PRIM2: variants seen among roughly 807,000 people sequenced by gnomAD.
PRIM2 encodes the protein DNA primase subunit 2.
In PRIM2, 39 loss-of-function variants were observed where a neutral mutation model predicts 67.3. The ratio of observed to expected loss-of-function variants is 0.58; its 90% CI spans 0.45 to 0.76. The LOEUF (loss-of-function observed/expected upper bound fraction) is 0.76. Among genes scored for constraint, PRIM2 ranks in the 30% least tolerant of loss-of-function variants. The pLI, the probability that PRIM2 is intolerant of heterozygous loss-of-function variation, is 0.00. For synonymous variants in PRIM2, 143 were observed against 198.7 expected (o/e 0.72, Z 2.36); for missense variants, 398 against 598.7 (o/e 0.66, Z 3.50).
At chr6:57,459,649 T>C (rs1057371755) in intron 7 of PRIM2, among the ~76,000 whole-genome samples, 4 of 152,210 alleles carry the variant, frequency 2.6e-5, no homozygotes, top group East Asian at 3.9e-4. Context: ...CTGAAATTCA[T>C]AGGGAAGGCC....
At chr6:57,262,131 T>C in the PRIM2 span, among the ~76,000 whole-genome samples, 1 of 152,180 alleles carries the variant, frequency 6.6e-6, no homozygotes, top group Non-Finnish European at 1.5e-5. Context: ...AATACTGGAC[T>C]TACTGGCAGA....
At chr6:57,618,959 G>T (rs2127496417) in intron 12 of PRIM2, among the ~76,000 whole-genome samples, 1 of 152,322 alleles carries the variant, frequency 6.6e-6, no homozygotes, top group African/African-American at 2.4e-5. Flanking sequence ...CTTGGCAGGA[G>T]GCCAACCAGC....
At chr6:57,302,336 T>A in the PRIM2 span, among the ~76,000 whole-genome samples, 1 of 152,194 alleles carries the variant, frequency 6.6e-6, no homozygotes, top group South Asian at 2.1e-4. Context: ...AAGTGCTGCA[T>A]TTAAGTACAT....
intron 5 of PRIM2, among the ~76,000 whole-genome samples, chr6:57,377,310 GTTC>G (rs1258337645): frequency 9.2e-5 from 14 of 152,054 alleles, no homozygotes; most frequent in African/African-American, 2.9e-4. Flanking sequence ...TAGAGTTTTA[GTTC>G]TTCTTTTTCA....
chr6:57,290,580 T>A, the PRIM2 span, among the ~76,000 whole-genome samples: 1 of 152,122 alleles, frequency 6.6e-6, no homozygotes, highest in Non-Finnish European at 1.5e-5. Flanking sequence ...TCGCACTTAT[T>A]CTAAAATTGA....
intron 10 of PRIM2, among the ~76,000 whole-genome samples, chr6:57,599,969 G>A (rs1429638686): frequency 1.3e-5 from 2 of 151,996 alleles, no homozygotes; most frequent in East Asian, 3.9e-4. Context: ...TAATTTTTTT[G>A]TAGAGATGGG....
At chr6:57,525,571 T>C (rs1481763940) in intron 8 of PRIM2, among the ~76,000 whole-genome samples, 1 of 152,180 alleles carries the variant, frequency 6.6e-6, no homozygotes, top group East Asian at 1.9e-4. Context: ...CTCAGCAGGC[T>C]TCTCTATTCA....
intron 11 of PRIM2, among the ~76,000 whole-genome samples, chr6:57,602,892 G>A (rs1776495262): frequency 6.6e-6 from 1 of 152,096 alleles, no homozygotes; most frequent in African/African-American, 2.4e-5. Context: ...AAAATCGTGT[G>A]GGAAGTTCAG....
chr6:57,564,263 A>G (rs1172459988), intron 10 of PRIM2, among the ~76,000 whole-genome samples: 52 of 152,344 alleles, frequency 3.4e-4, no homozygotes, highest in African/African-American at 1.1e-3. Context: ...TGTTTAAACT[A>G]TTAATCCAAA....
chr6:57,613,934 C>T (rs1168151568), intron 12 of PRIM2, among the ~76,000 whole-genome samples: 1 of 152,156 alleles, frequency 6.6e-6, no homozygotes, highest in East Asian at 1.9e-4. Flanking sequence ...TCACTGCAAC[C>T]TCTGCCTCCT....
At chr6:57,245,100 T>C in the PRIM2 span, among the ~76,000 whole-genome samples, 1 of 152,054 alleles carries the variant, frequency 6.6e-6, no homozygotes, top group African/African-American at 2.4e-5. Context: ...CTCCACTGTT[T>C]CTGCTGCTGC....
chr6:57,572,751 T>C (rs1183644929), intron 10 of PRIM2, among the ~76,000 whole-genome samples: 1 of 152,064 alleles, frequency 6.6e-6, no homozygotes, highest in South Asian at 2.1e-4. Context: ...AATCACGTGA[T>C]GGGGGGTACA....
At chr6:57,370,693 CTTTT>C (rs66953171) in intron 5 of PRIM2, among the ~76,000 whole-genome samples, 1 of 121,996 alleles carries the variant, frequency 8.2e-6, no homozygotes, top group Admixed American at 9.0e-5. Flanking sequence ...CTATCTATAG[CTTTT>C]TTTTTTTTTT....
chr6:57,620,373 A>C (rs1265079750), intron 12 of PRIM2, among the ~76,000 whole-genome samples: 12 of 152,224 alleles, frequency 7.9e-5, no homozygotes, highest in African/African-American at 2.9e-4. Flanking sequence ...TCTCAGCAGA[A>C]ACCCTATAAG....
intron 10 of PRIM2, among the ~76,000 whole-genome samples, chr6:57,546,799 G>C (rs1258646666): frequency 6.6e-6 from 1 of 152,102 alleles, no homozygotes; most frequent in Non-Finnish European, 1.5e-5. Context: ...ACATTCCATT[G>C]TTGTATGATC....
chr6:57,368,999 A>G (rs1769459169), intron 5 of PRIM2, among the ~76,000 whole-genome samples: 1 of 152,230 alleles, frequency 6.6e-6, no homozygotes, highest in Non-Finnish European at 1.5e-5. Flanking sequence ...GGTAAAATAC[A>G]TGCTCAGAAA....
chr6:57,599,426 G>A (rs1196082358), intron 10 of PRIM2, among the ~76,000 whole-genome samples: 4 of 151,492 alleles, frequency 2.6e-5, no homozygotes, highest in Admixed American at 2.0e-4. Flanking sequence ...TTCAGACTCC[G>A]TTTTAAATGA....
At chr6:57,563,162 C>A (rs1775671385) in intron 10 of PRIM2, among the ~76,000 whole-genome samples, 1 of 152,016 alleles carries the variant, frequency 6.6e-6, no homozygotes, top group Non-Finnish European at 1.5e-5. Context: ...CCAGTATAGC[C>A]TCTGTGAATA....
chr6:57,365,654 A>G (rs924962913), intron 5 of PRIM2, among the ~76,000 whole-genome samples: 11 of 152,134 alleles, frequency 7.2e-5, no homozygotes, highest in Non-Finnish European at 1.0e-4. Flanking sequence ...TTCATCAGGT[A>G]TTGTGGTAAG....
Sources: gnomAD v4.1 joint callset for allele counts (sites outside exome capture counted in the v4.1 genomes callset) on GRCh38, gnomAD v4.1.1 for gene constraint, MANE v1.5 for transcripts, NCBI Gene and HGNC (gene_info 2026-07-23, HGNC 2026-07-21) for gene names.